The following DAB2IP variants were observed in gnomAD, a reference collection of about 807,000 sequenced individuals.
The protein encoded by DAB2IP is DAB2 interacting protein.
In DAB2IP, 28 loss-of-function variants were observed where a neutral mutation model predicts 107.2. The ratio of observed to expected loss-of-function variants is 0.26; its 90% CI spans 0.19 to 0.36. The LOEUF (loss-of-function observed/expected upper bound fraction) is 0.36. Ranked by LOEUF, DAB2IP falls within the 10% of genes least tolerant of loss-of-function variation. The pLI is 1.00. For synonymous variants in DAB2IP, 755 were observed against 706.4 expected (o/e 1.07, Z -1.09); for missense variants, 1,400 against 1,644.7 (o/e 0.85, Z 2.57).
intron 1 of DAB2IP, among the ~76,000 whole-genome samples, chr9:121,587,681 G>A (rs1475527130): frequency 6.6e-6 from 1 of 151,812 alleles, no homozygotes; most frequent in South Asian, 2.1e-4. Context: ...GGCCTCAAAT[G>A]ACCAATTGAG....
chr9:121,596,639 T>G (rs1465140629), intron 1 of DAB2IP, among the ~76,000 whole-genome samples: 1 of 150,932 alleles, frequency 6.6e-6, no homozygotes. Context: ...TGCTGCAGTA[T>G]AGAATTTTGC....
At chr9:121,645,090 A>G (rs1832491918) in intron 1 of DAB2IP, among the ~76,000 whole-genome samples, 2 of 152,154 alleles carry the variant, frequency 1.3e-5, no homozygotes, top group African/African-American at 2.4e-5. Flanking sequence ...CCCTTACTGA[A>G]GGGGGAGGAA....
intron 1 of DAB2IP, among the ~76,000 whole-genome samples, chr9:121,661,283 A>G (rs1833190762): frequency 6.6e-6 from 1 of 152,060 alleles, no homozygotes; most frequent in Non-Finnish European, 1.5e-5. Flanking sequence ...AGAATAGGAC[A>G]GGATTGGAGA....
chr9:121,624,627 C>T (rs1248957920), intron 1 of DAB2IP, among the ~76,000 whole-genome samples: 1 of 152,186 alleles, frequency 6.6e-6, no homozygotes, highest in Non-Finnish European at 1.5e-5. Context: ...GTATTCAGTA[C>T]AGTAACATGC....
At chr9:121,570,841 C>T (rs751027472) in intron 1 of DAB2IP, among the ~76,000 whole-genome samples, 3 of 151,346 alleles carry the variant, frequency 2.0e-5, no homozygotes, top group Non-Finnish European at 4.4e-5. Flanking sequence ...AGCCACAGTG[C>T]CGGCCTGGCT....
chr9:121,750,748 C>T (rs1564199041), intron 3 of DAB2IP, among the ~76,000 whole-genome samples: 1 of 152,202 alleles, frequency 6.6e-6, no homozygotes, highest in Non-Finnish European at 1.5e-5. Context: ...CCTTTCCCTC[C>T]TTGGAATAAT....
intron 15 of DAB2IP, among the ~76,000 whole-genome samples, 155 bp downstream of exon 15, chr9:121,781,706 G>A (rs1835669289): frequency 6.6e-6 from 1 of 152,142 alleles, no homozygotes; most frequent in Non-Finnish European, 1.5e-5. Flanking sequence ...TGTGGTCTTA[G>A]TGGGCCACAA....
In DAB2IP at chr9:121,592,936, C is replaced by A. The variant is rs143789954; in HGVS notation, c.40+25708C>A. ...ACAGAGAGGAGGGTCTTTAGTTCTA[C>A]AGTGTTGTACAGCGCCTCACTCAGG... is the stretch of plus-strand genomic sequence containing the variant. On this transcript the variant is annotated intron_variant, in intron 1 of 16. Coordinates refer to the DAB2IP transcript ENST00000259371. 3.7e-3 allele frequency among the ~76,000 whole-genome samples: 565 copies of A among 152,234 alleles called. 3 individuals carry two copies. Among genetic ancestry groups the A allele is most frequent in the African/African-American group, 0.013 (542 of 41,524 alleles).
intron 1 of DAB2IP, among the ~76,000 whole-genome samples, chr9:121,678,216 C>G (rs185938057): frequency 6.6e-6 from 1 of 152,210 alleles, no homozygotes; most frequent in African/African-American, 2.4e-5. Context: ...GAATTGGCCT[C>G]TTCTAGATAG....
chr9:121,676,442 G>T (rs939142000), intron 1 of DAB2IP, among the ~76,000 whole-genome samples: 3 of 152,166 alleles, frequency 2.0e-5, no homozygotes, highest in Non-Finnish European at 4.4e-5. Context: ...ACATGTGTTT[G>T]TCTGGGCATT....
At chr9:121,748,253 A>G (rs1251707849) in intron 3 of DAB2IP, among the ~76,000 whole-genome samples, 3 of 152,234 alleles carry the variant, frequency 2.0e-5, no homozygotes, top group African/African-American at 7.2e-5. Flanking sequence ...CCTTAGATAC[A>G]GCTGGGATAG....
intron 3 of DAB2IP, among the ~76,000 whole-genome samples, chr9:121,705,154 G>A (rs529583869): frequency 6.6e-6 from 1 of 152,344 alleles, no homozygotes; most frequent in East Asian, 1.9e-4. Flanking sequence ...ATGTTTTTAG[G>A]AACGGTGGAA....
At position 121,677,961 on chromosome 9, in the gene DAB2IP, C is replaced by G. The variant is rs149459622; in HGVS notation, c.125-717C>G. 3.4e-3 allele frequency among the ~76,000 whole-genome samples: 514 copies of G among 152,196 alleles called. 5 individuals are homozygous for G. Among genetic ancestry groups the G allele is most frequent in the African/African-American group, 0.012 (497 of 41,558 alleles). ...ACAGGTGTGAGCCACTGTGCCAGGC[C>G]TTTTTCCCCCCTTTTTAAAAAATTG... On this transcript the variant is annotated intron_variant, in intron 1 of 15. Coordinates refer to ENST00000408936, the Ensembl canonical transcript of DAB2IP.
At chr9:121,756,940 A>C in intron 3 of DAB2IP, 73 bp from the exon 4 acceptor site, 1 of 1,603,676 alleles carries the variant, frequency 6.2e-7, no homozygotes, top group Non-Finnish European at 8.5e-7. Flanking sequence ...CGGCCAGGGC[A>C]GATGGGTGGG....
At chr9:121,726,820 G>A (rs1009606575) in intron 3 of DAB2IP, among the ~76,000 whole-genome samples, 9 of 152,254 alleles carry the variant, frequency 5.9e-5, no homozygotes, top group Admixed American at 1.3e-4. Flanking sequence ...AGAAGCTGGC[G>A]ACTGAGGGCT....
Position 121,660,591 on chromosome 9 carries a change from G to A in DAB2IP, c.124+8692G>A, listed in dbSNP as rs575181940. Among the ~76,000 whole-genome samples the A allele has an allele frequency of 5.2e-4, 79 of 152,234 alleles. 2 individuals are homozygous for A. Among genetic ancestry groups the A allele is most frequent in the African/African-American group, 1.8e-3 (74 of 41,536 alleles). On this transcript the variant is annotated intron_variant, in intron 1 of 15. Coordinates refer to ENST00000408936, the Ensembl canonical transcript of DAB2IP. ...GGGCTGACACAGGAGAGAGGATGCCGCCATCTGAGGGCCAGTGCTGGGCTC... is the reference window on the plus strand; with the variant it reads ...GGGCTGACACAGGAGAGAGGATGCCACCATCTGAGGGCCAGTGCTGGGCTC...
intron 1 of DAB2IP, among the ~76,000 whole-genome samples, chr9:121,656,512 T>C (rs1231892800): frequency 1.3e-5 from 2 of 152,236 alleles, no homozygotes; most frequent in Non-Finnish European, 2.9e-5. Flanking sequence ...TTTTCTGCCT[T>C]GTCTCTTCTT....
At chr9:121,639,540 A>G (rs897267981) in intron 1 of DAB2IP, among the ~76,000 whole-genome samples, 13 of 152,220 alleles carry the variant, frequency 8.5e-5, no homozygotes, top group African/African-American at 3.1e-4. Context: ...CTGGCCCTAG[A>G]TGACCTGCTG....
At chr9:121,611,718 A>G (rs764863315) in intron 1 of DAB2IP, among the ~76,000 whole-genome samples, 3 of 151,808 alleles carry the variant, frequency 2.0e-5, no homozygotes, top group Non-Finnish European at 4.4e-5. Context: ...CTGAGTAGCT[A>G]GGATTATAGG....
Sources: gnomAD v4.1 joint callset for allele counts (sites outside exome capture counted in the v4.1 genomes callset) on GRCh38, gnomAD v4.1.1 for gene constraint, MANE v1.5 for transcripts, NCBI Gene and HGNC (gene_info 2026-07-23, HGNC 2026-07-21) for gene names.